Variants in TUSC3 observed in about 807,000 individuals in gnomAD.
TUSC3 encodes the protein tumor suppressor candidate 3.
Under a neutral mutation model 44.8 loss-of-function variants are expected in TUSC3, and 45 were observed. The observed-to-expected ratio is 1.00, with a 90% CI of 0.79 to 1.29. The LOEUF (loss-of-function observed/expected upper bound fraction) is 1.29. TUSC3 is among the 50% of genes most tolerant of loss of function. The pLI, the probability that TUSC3 is intolerant of heterozygous loss-of-function variation, is 0.00. For synonymous variants in TUSC3, 212 were observed against 152.9 expected (o/e 1.39, Z -2.85); for missense variants, 519 against 437.9 (o/e 1.19, Z -1.65).
intron 2 of TUSC3, among the ~76,000 whole-genome samples, chr8:15,523,700 G>GTATATATA (rs1373439598): frequency 1.5e-4 from 15 of 103,300 alleles, no homozygotes; most frequent in African/African-American, 6.5e-4. Flanking sequence ...GTGTGTGTGT[G>GTATATATA]TGTGTGTGTA....
intron 2 of TUSC3, among the ~76,000 whole-genome samples, chr8:15,519,062 G>A (rs1045586773): frequency 1.3e-5 from 2 of 152,078 alleles, no homozygotes; most frequent in Non-Finnish European, 2.9e-5. Context: ...TGTGGTCCTG[G>A]ATTTTGGCTC....
chr8:15,587,533 A>T (rs1296441059), intron 1 of TUSC3, among the ~76,000 whole-genome samples: 1 of 152,188 alleles, frequency 6.6e-6, no homozygotes, highest in African/African-American at 2.4e-5. Context: ...TAATTAGCAT[A>T]TCCAGCACCC....
chr8:15,730,583 C>A, intron 6 of TUSC3, 83 bp from the exon 7 acceptor site: 1 of 1,331,628 alleles, frequency 7.5e-7, no homozygotes, highest in Non-Finnish European at 1.1e-6. Context: ...TAGATTTTTC[C>A]ATTGTTTATC....
chr8:15,462,394 C>G (rs898140312), intron 1 of TUSC3, among the ~76,000 whole-genome samples: 15 of 152,000 alleles, frequency 9.9e-5, no homozygotes, highest in African/African-American at 3.1e-4. Context: ...AAATGGCCAA[C>G]TGCTATTTTC....
At chr8:15,539,479 A>G (rs922594512), upstream of TUSC3, among the ~76,000 whole-genome samples, 2 of 147,478 alleles carry the variant, frequency 1.4e-5, no homozygotes, top group Non-Finnish European at 3.0e-5. Context: ...CAGCCTCCCA[A>G]GTAGAGGAAC....
At chr8:15,694,994 G>A (rs1670062428) in intron 6 of TUSC3, among the ~76,000 whole-genome samples, 1 of 152,206 alleles carries the variant, frequency 6.6e-6, no homozygotes, top group South Asian at 2.1e-4. Flanking sequence ...GCATGTGTTT[G>A]CACCATTGCC....
At chr8:15,737,626 G>A (rs1810994531) in intron 7 of TUSC3, among the ~76,000 whole-genome samples, 1 of 152,146 alleles carries the variant, frequency 6.6e-6, no homozygotes, top group Non-Finnish European at 1.5e-5. Context: ...AGGATAAAGG[G>A]TAGAGGTCCA....
At chr8:15,457,201 A>T (rs1343263383) in intron 1 of TUSC3, among the ~76,000 whole-genome samples, 1 of 151,640 alleles carries the variant, frequency 6.6e-6, no homozygotes, top group Non-Finnish European at 1.5e-5. Flanking sequence ...TAGCATTAGG[A>T]GATACACCTA....
intron 1 of TUSC3, among the ~76,000 whole-genome samples, chr8:15,474,087 A>T (rs1452644424): frequency 6.6e-6 from 1 of 152,158 alleles, no homozygotes; most frequent in African/African-American, 2.4e-5. Context: ...ACTCCTTGCT[A>T]GGAAAAGAAT....
chr8:15,751,362 A>C lies in TUSC3; in HGVS notation c.1028+2897A>C, dbSNP rs73197197. ...TGCTTCAGAGGTAACTCAAATGGCT[A>C]ATCTCTTGCTCCAATCCTTCCACTA... On this transcript the variant is annotated intron_variant, in intron 9 of 10. Coordinates refer to ENST00000503731, the MANE Select transcript of TUSC3 (RefSeq NM_006765.4). Among the ~76,000 whole-genome samples the C allele has an allele frequency of 8.6e-3, 1,307 of 152,290 alleles. 5 individuals are homozygous for C. The highest frequency in any genetic ancestry group is 0.02 in the Middle Eastern group (6 of 294).
At chr8:15,621,211 G>A (rs940788872) in intron 1 of TUSC3, among the ~76,000 whole-genome samples, 8 of 151,434 alleles carry the variant, frequency 5.3e-5, no homozygotes, top group Non-Finnish European at 1.0e-4. Context: ...TGTTTTCAAG[G>A]CTCAAAAGAA....
chr8:15,720,688 T>C (rs957997007), intron 6 of TUSC3, among the ~76,000 whole-genome samples: 14 of 152,074 alleles, frequency 9.2e-5, no homozygotes, highest in African/African-American at 3.4e-4. Flanking sequence ...AGGTGAACTT[T>C]AGGGGAAATG....
chr8:15,456,434 C>T (rs557136432), intron 1 of TUSC3, among the ~76,000 whole-genome samples: 179 of 151,824 alleles, frequency 1.2e-3, no homozygotes, highest in African/African-American at 4.2e-3. Context: ...TATTTGGAAA[C>T]GTAAAGAGAT....
chr8:15,738,827 C>CTTTTTTTTTTCTTTCTTTCTTTT (rs1373248681), intron 7 of TUSC3, among the ~76,000 whole-genome samples: 9 of 87,170 alleles, frequency 1.0e-4, no homozygotes, highest in Admixed American at 4.6e-4. Context: ...ATATATCTTG[C>CTTTTTTTTTTCTTTCTTTCTTTT]TTTTTTTTTT....
the TUSC3 span, among the ~76,000 whole-genome samples, chr8:15,773,939 A>G: frequency 6.6e-6 from 1 of 152,204 alleles, no homozygotes; most frequent in Non-Finnish European, 1.5e-5. Flanking sequence ...GGCTAAAATT[A>G]TAACACTTTT....
chr8:15,472,158 T>A (rs924722846), intron 1 of TUSC3, among the ~76,000 whole-genome samples: 1 of 152,240 alleles, frequency 6.6e-6, no homozygotes, highest in African/African-American at 2.4e-5. Context: ...AACCTGGAAT[T>A]GACCTGTTTC....
chr8:15,850,771 A>T, the TUSC3 span, among the ~76,000 whole-genome samples: 1 of 152,366 alleles, frequency 6.6e-6, no homozygotes, highest in Non-Finnish European at 1.5e-5. Flanking sequence ...TTAAAACGAC[A>T]TTGAAACCAA....
chr8:15,685,643 C>T (rs1808597532), intron 6 of TUSC3, among the ~76,000 whole-genome samples: 2 of 152,156 alleles, frequency 1.3e-5, no homozygotes, highest in Admixed American at 1.3e-4. Flanking sequence ...ACACATTGAC[C>T]TTAACATCAA....
the TUSC3 span, among the ~76,000 whole-genome samples, chr8:15,819,514 A>G: frequency 0.46 from 70,405 of 151,990 alleles, 18,718 homozygotes; most frequent in Non-Finnish European, 0.61. Flanking sequence ...TAACTGTCAC[A>G]GTCATGTCTA....
Sources: allele counts gnomAD v4.1 joint callset (sites outside exome capture counted in the v4.1 genomes callset), GRCh38; gene constraint gnomAD v4.1.1; transcripts MANE v1.5; gene names NCBI Gene and HGNC (gene_info 2026-07-23, HGNC 2026-07-21).